Variants in PEBP4 observed in about 807,000 individuals in gnomAD.
The protein encoded by PEBP4 is phosphatidylethanolamine binding protein 4.
PEBP4 carries 22 observed loss-of-function variants against 23.9 expected under a neutral mutation model. The observed-to-expected ratio is 0.92, with a 90% CI of 0.66 to 1.31. The LOEUF (loss-of-function observed/expected upper bound fraction) is 1.31, where lower values mean the gene tolerates loss of function less well. Ranked by LOEUF, PEBP4 falls within the 40% of genes most tolerant of loss-of-function variation. PEBP4 has a pLI of 0.00. For missense variants in PEBP4, 324 were observed against 281.7 expected (o/e 1.15, Z -1.07); for synonymous variants, 112 against 99.3 (o/e 1.13, Z -0.76).
intron 3 of PEBP4, among the ~76,000 whole-genome samples, chr8:22,869,067 C>G (rs1807959063): frequency 6.6e-6 from 1 of 152,214 alleles, no homozygotes; most frequent in African/African-American, 2.4e-5. Context: ...CTTGCAGTTC[C>G]TTAAACACAC....
At chr8:22,858,231 C>CT (rs202017574) in intron 3 of PEBP4, among the ~76,000 whole-genome samples, 3,608 of 152,204 alleles carry the variant, frequency 0.024, 153 homozygotes, top group African/African-American at 0.082. Context: ...TGCATTTCTT[C>CT]TTAAGTTCCT....
At chr8:22,727,149 GA>G in intron 5 of PEBP4, 25 bp downstream of exon 5, 1 of 1,613,184 alleles carries the variant, frequency 6.2e-7, no homozygotes, top group South Asian at 1.1e-5. Context: ...CTGGCTGGGG[GA>G]AGGGGTCCCT....
chr8:22,798,721 CTTTTTTCTTTTTTT>C (rs1226124883), intron 4 of PEBP4: 2 of 77,102 alleles, frequency 2.6e-5, no homozygotes, highest in African/African-American at 1.2e-4. Context: ...TTTTTCTTTT[CTTTTTTCTTTTTTT>C]TTTTTTTTTT....
chr8:22,805,954 G>A (rs574661563), intron 4 of PEBP4, among the ~76,000 whole-genome samples: 1 of 152,012 alleles, frequency 6.6e-6, no homozygotes, highest in Non-Finnish European at 1.5e-5. Flanking sequence ...ACTCTTCAAT[G>A]GTCTGAAACC....
chr8:22,881,951 A>G (rs573290605), intron 3 of PEBP4, among the ~76,000 whole-genome samples: 23 of 152,296 alleles, frequency 1.5e-4, no homozygotes, highest in African/African-American at 5.1e-4. Flanking sequence ...ATAAGCGTAG[A>G]AGCCTGGCTA....
chr8:22,809,884 G>A (rs948153617), intron 4 of PEBP4, among the ~76,000 whole-genome samples: 5 of 152,236 alleles, frequency 3.3e-5, no homozygotes, highest in Non-Finnish European at 1.5e-5. Context: ...GAGATGCCAA[G>A]GGGCACACCT....
chr8:22,795,090 A>C (rs1047842425), intron 4 of PEBP4, among the ~76,000 whole-genome samples: 9 of 143,580 alleles, frequency 6.3e-5, no homozygotes, highest in Non-Finnish European at 9.0e-5. Context: ...TTCTCTCACC[A>C]GTGCCTACTT....
In PEBP4 at chr8:22,865,101, G is replaced by C. The variant is rs1807859120; in HGVS notation, c.259-47366C>G. Among the ~76,000 whole-genome samples the C allele has an allele frequency of 6.6e-6, 1 of 152,194 alleles. No individual in the cohort carries two copies. The highest frequency in any genetic ancestry group is 2.4e-5 in the African/African-American group (1 of 41,448). ...CCAGACGCCGAGCCCTGGATGCGAG[G>C]TGGGGGTAGACAGAAGGGCTGGGGC... is the stretch of plus-strand genomic sequence containing the variant. On this transcript the variant is annotated intron_variant, in intron 3 of 6. Transcript: ENST00000256404. The surrounding 1 kb of genome is among the most constrained non-coding windows in gnomAD (Gnocchi z 6.9).
At position 22,898,404 on chromosome 8, in the gene PEBP4, A is replaced by C. The variant is rs866002236; in HGVS notation, c.258+21780T>G. Among the ~76,000 whole-genome samples the C allele has an allele frequency of 3.5e-3, 464 of 134,222 alleles. 17 individuals are homozygous for C. Among genetic ancestry groups the C allele is most frequent in the African/African-American group, 7.9e-3 (241 of 30,690 alleles). 88.1% of individuals were successfully genotyped at this position (134,222 alleles called of 152,430 possible). ...AAGACTCCACCCCAAAAAAAAAAAA[A>C]AAAAAAAAAAAAAAAAAAAAAAAAA... On this transcript the variant is annotated intron_variant, in intron 3 of 6. Coordinates refer to ENST00000256404, the MANE Select transcript of PEBP4 (RefSeq NM_144962.3).
chr8:22,932,373 C>A (rs1809469819), upstream of PEBP4, among the ~76,000 whole-genome samples: 2 of 152,138 alleles, frequency 1.3e-5, no homozygotes, highest in African/African-American at 4.8e-5. Flanking sequence ...CTAAAAACCA[C>A]TGAATTATAC....
At chr8:22,730,102 T>A (rs557809497) in intron 4 of PEBP4, among the ~76,000 whole-genome samples, 1 of 152,206 alleles carries the variant, frequency 6.6e-6, no homozygotes, top group South Asian at 2.1e-4. Context: ...GTGCTCTTTC[T>A]GTGACATCAT....
chr8:22,828,749 G>C (rs1194721749), intron 3 of PEBP4, among the ~76,000 whole-genome samples: 2 of 152,126 alleles, frequency 1.3e-5, no homozygotes, highest in Non-Finnish European at 1.5e-5. Flanking sequence ...AATCTCCTTC[G>C]TGTCCTTGAG....
intron 4 of PEBP4, among the ~76,000 whole-genome samples, chr8:22,730,192 G>T (rs1329544509): frequency 6.6e-6 from 1 of 152,168 alleles, no homozygotes; most frequent in Non-Finnish European, 1.5e-5. Context: ...TGGAGGGCTG[G>T]AGCTGCGGTG....
At chr8:22,934,118 T>C (rs552469748) in intron 1 of PEBP4, among the ~76,000 whole-genome samples, 12 of 152,328 alleles carry the variant, frequency 7.9e-5, no homozygotes, top group African/African-American at 2.9e-4. Context: ...TCATGAAAGG[T>C]CTGCCCCCAA....
chr8:22,736,172 G>A (rs1390263380), intron 4 of PEBP4, among the ~76,000 whole-genome samples: 1 of 152,148 alleles, frequency 6.6e-6, no homozygotes, highest in Non-Finnish European at 1.5e-5. Context: ...TGAGCCACAG[G>A]AAATTGTGGA....
chr8:22,727,512 G>T (rs998717891), intron 4 of PEBP4, among the ~76,000 whole-genome samples: 1 of 152,096 alleles, frequency 6.6e-6, no homozygotes, highest in Non-Finnish European at 1.5e-5. Context: ...CTCTAGAGAG[G>T]CCCTGTAGGA....
chr8:22,924,174 A>G (rs1424586518), intron 2 of PEBP4, among the ~76,000 whole-genome samples: 1 of 152,018 alleles, frequency 6.6e-6, no homozygotes, highest in Admixed American at 6.6e-5. Flanking sequence ...AACAGCCTGG[A>G]CTACATACCG....
At position 22,778,385 on chromosome 8, in the gene PEBP4, CT is replaced by C. The variant is rs1211155646; in HGVS notation, c.357+39251del. On this transcript the variant is annotated intron_variant, in intron 4 of 6. Transcript: ENST00000256404. ...CAGTTATGGGGAGACAGAGCTTGAA[CT>C]TTTTTTTTTTTTTTTGAGATGGAGT... Among the ~76,000 whole-genome samples the C allele has an allele frequency of 2.3e-3, 333 of 146,204 alleles. 1 individual carries two copies. Among genetic ancestry groups the C allele is most frequent in the African/African-American group, 5.8e-3 (228 of 39,160 alleles).
At chr8:22,841,764 C>T (rs1253602132) in intron 3 of PEBP4, among the ~76,000 whole-genome samples, 1 of 152,258 alleles carries the variant, frequency 6.6e-6, no homozygotes, top group Admixed American at 6.5e-5. Context: ...TGGCTACAGA[C>T]TGTTCCCTAA....
Sources: gnomAD v4.1 joint callset for allele counts (sites outside exome capture counted in the v4.1 genomes callset) on GRCh38, gnomAD v4.1.1 for gene constraint, Gnocchi (gnomAD v3.1) non-coding constraint, MANE v1.5 for transcripts, NCBI Gene and HGNC (gene_info 2026-07-23, HGNC 2026-07-21) for gene names.